Variants in ZNF366 observed in about 807,000 individuals in gnomAD.
ZNF366 encodes the protein zinc finger protein 366, also known as dendritic cell-specific transcript protein.
ZNF366 carries 20 observed loss-of-function variants against 47.2 expected under a neutral mutation model. The observed-to-expected ratio is 0.42, with a 90% confidence interval of 0.30 to 0.62. The LOEUF (loss-of-function observed/expected upper bound fraction) is 0.62. ZNF366 is among the 20% of genes least tolerant of loss of function. ZNF366 has a pLI of 0.16. For missense variants in ZNF366, 987 were observed against 976.3 expected (o/e 1.01, Z -0.15); for synonymous variants, 421 against 395.1 (o/e 1.07, Z -0.78).
intron 1 of ZNF366, among the ~76,000 whole-genome samples, chr5:72,478,592 G>A (rs1743722609): frequency 6.6e-6 from 1 of 152,208 alleles, no homozygotes. Flanking sequence ...ACTGAGTTTG[G>A]AAAGTCAGTT....
intron 1 of ZNF366, among the ~76,000 whole-genome samples, chr5:72,467,204 T>A (rs1439766015): frequency 2.0e-5 from 3 of 152,220 alleles, no homozygotes; most frequent in African/African-American, 7.2e-5. Context: ...CTACAATGCA[T>A]CACCCAAACC....
Position 72,507,329 on chromosome 5 carries a change from C to G in ZNF366, c.-93G>C. On this transcript the variant is annotated 5_prime_UTR_variant, in exon 1 of 5. Coordinates refer to ENST00000318442, the MANE Select transcript of ZNF366 (RefSeq NM_152625.3). Reference sequence around the variant, plus strand: ...GCTCTCTCTGTCTCTCTCCCTCTCTCTCTCCCTCTTTCTCTTGTGTACAGA... The same window carrying G: ...GCTCTCTCTGTCTCTCTCCCTCTCTGTCTCCCTCTTTCTCTTGTGTACAGA... 1 of 985,608 alleles carries G rather than the reference C, an allele frequency of 1.0e-6. No individual in the cohort carries two copies. The highest frequency in any genetic ancestry group is 1.2e-6 in the Non-Finnish European group (1 of 830,078). 61.1% of individuals were successfully genotyped at this position (985,608 alleles called of 1,614,324 possible).
At chr5:72,494,761 G>A (rs1021364797) in intron 1 of ZNF366, among the ~76,000 whole-genome samples, 2 of 152,084 alleles carry the variant, frequency 1.3e-5, no homozygotes, top group Admixed American at 6.6e-5. Flanking sequence ...ACATATCATG[G>A]TAATTAGAGG....
chr5:72,452,026 G>A (rs1386717746), intron 3 of ZNF366, among the ~76,000 whole-genome samples: 2 of 152,340 alleles, frequency 1.3e-5, no homozygotes, highest in East Asian at 3.9e-4. Flanking sequence ...ATAGCAGTGG[G>A]CAGCCACTGG....
chr5:72,505,917 G>A (rs10462399), intron 1 of ZNF366, among the ~76,000 whole-genome samples: 44,383 of 152,040 alleles, frequency 0.29, 7,630 homozygotes, highest in East Asian at 0.48. Context: ...TACATTGCTC[G>A]TTTTATGATG....
intron 1 of ZNF366, among the ~76,000 whole-genome samples, chr5:72,489,481 G>C (rs927084458): frequency 3.3e-5 from 5 of 152,090 alleles, no homozygotes; most frequent in African/African-American, 4.8e-5. Context: ...TTTCTTCATG[G>C]AGCTGGAGGA....
chr5:72,453,062 C>G (rs1356359208), intron 3 of ZNF366, among the ~76,000 whole-genome samples: 59 of 152,194 alleles, frequency 3.9e-4, no homozygotes, highest in Non-Finnish European at 8.8e-5. Context: ...AACCTTTCCT[C>G]TCCTCTAATT....
At chr5:72,470,306 G>A (rs925389166) in intron 1 of ZNF366, among the ~76,000 whole-genome samples, 6 of 152,144 alleles carry the variant, frequency 3.9e-5, no homozygotes, top group Admixed American at 1.3e-4. Flanking sequence ...CAGCCTACCT[G>A]AGCAGCCAAC....
chr5:72,456,572 C>A lies in ZNF366; in HGVS notation c.1356G>T (p.Gly452=). Residue 452 remains glycine, a synonymous_variant, in exon 3 of 5, where the codon GGG becomes GGT. Transcript: ENST00000318442. Reference sequence around the variant, plus strand: ...GCAGGGTGAACTCCCGCCCACAAATCCCACACTTATGCTCCTTCACACCCT... The same window carrying A: ...GCAGGGTGAACTCCCGCCCACAAATACCACACTTATGCTCCTTCACACCCT... ...THKGVKEHKC[G]ICGREFTLLA... 1 of 1,611,480 alleles carries A rather than the reference C, an allele frequency of 6.2e-7. No individual in the cohort carries two copies. Among genetic ancestry groups the A allele is most frequent in the Non-Finnish European group, 8.5e-7 (1 of 1,178,034 alleles).
At chr5:72,483,035 A>C (rs1051405086) in intron 1 of ZNF366, among the ~76,000 whole-genome samples, 3 of 152,130 alleles carry the variant, frequency 2.0e-5, no homozygotes, top group Non-Finnish European at 4.4e-5. Flanking sequence ...TTCTCTGTAG[A>C]TGCTGTTTTA....
chr5:72,506,420 T>G (rs1284673236), intron 1 of ZNF366, among the ~76,000 whole-genome samples: 1 of 152,220 alleles, frequency 6.6e-6, no homozygotes, highest in Non-Finnish European at 1.5e-5. Flanking sequence ...GTATGTTAGC[T>G]TGACTAGCTT....
intron 3 of ZNF366, among the ~76,000 whole-genome samples, chr5:72,451,090 G>A (rs1158640737): frequency 1.3e-5 from 2 of 152,258 alleles, no homozygotes; most frequent in African/African-American, 2.4e-5. Context: ...CTAAGAGTGT[G>A]CCCAAGCAGG....
chr5:72,460,888 G>C lies in ZNF366; in HGVS notation c.609C>G (p.Phe203Leu), dbSNP rs374470883. ...SSPFPFSRHT[F>L]LPKQPPEPLL... is the part of the protein sequence containing the mutation. ...GAGGTTCCGGGGGCTGCTTGGGCAGGAAGGTGTGCCGGCTGAAGGGGAAGG... is the reference window on the plus strand; with the variant it reads ...GAGGTTCCGGGGGCTGCTTGGGCAGCAAGGTGTGCCGGCTGAAGGGGAAGG... The change falls in exon 2 of 5, where the codon TTC becomes TTG. Residue 203 changes from phenylalanine to leucine, a missense_variant. This residue lies in a region of ZNF366 where 591 missense variants were observed against 560.9 expected (regional missense o/e 1.05). Transcript: ENST00000318442. 3.7e-5 allele frequency: 60 copies of C among 1,613,482 alleles called. No homozygotes were observed. The highest frequency in any genetic ancestry group is 4.7e-5 in the Non-Finnish European group (56 of 1,179,700).
At chr5:72,478,858 T>C (rs983138294) in intron 1 of ZNF366, among the ~76,000 whole-genome samples, 5 of 152,206 alleles carry the variant, frequency 3.3e-5, no homozygotes, top group African/African-American at 9.6e-5. Context: ...CATTGGCCTC[T>C]AAAAATCCCC....
chr5:72,448,639 A>G (rs1323069999), intron 3 of ZNF366, among the ~76,000 whole-genome samples: 3 of 152,196 alleles, frequency 2.0e-5, no homozygotes, highest in Non-Finnish European at 4.4e-5. Context: ...GGCCACAGAG[A>G]CACTCAGGGT....
chr5:72,458,955 T>A (rs1743247010), intron 2 of ZNF366, among the ~76,000 whole-genome samples: 1 of 152,216 alleles, frequency 6.6e-6, no homozygotes, highest in African/African-American at 2.4e-5. Flanking sequence ...TTCCCACATA[T>A]AAAGGAGCCC....
intron 1 of ZNF366, among the ~76,000 whole-genome samples, chr5:72,498,236 A>G (rs958752476): frequency 6.6e-6 from 1 of 152,184 alleles, no homozygotes; most frequent in Non-Finnish European, 1.5e-5. Flanking sequence ...TCTTTCATCT[A>G]TCTGGAATTT....
chr5:72,454,903 T>C (rs1459367231), intron 3 of ZNF366, among the ~76,000 whole-genome samples: 2 of 152,212 alleles, frequency 1.3e-5, no homozygotes, highest in African/African-American at 4.8e-5. Flanking sequence ...AGCCAAGGCC[T>C]CACTTCATGG....
At chr5:72,456,709 G>C (rs1202968050) in intron 2 of ZNF366, 114 bp from the exon 3 acceptor site, 1 of 1,081,546 alleles carries the variant, frequency 9.2e-7, no homozygotes, top group Non-Finnish European at 1.3e-6. Flanking sequence ...CTTGGTGATA[G>C]ATGTTGAGTT....
Sources: allele counts gnomAD v4.1 joint callset (sites outside exome capture counted in the v4.1 genomes callset), GRCh38; gene constraint gnomAD v4.1.1; regional missense constraint gnomAD v4.1.1; transcripts MANE v1.5; gene names NCBI Gene and HGNC (gene_info 2026-07-23, HGNC 2026-07-21).